The following SYNPR variants were observed in gnomAD, a reference collection of about 807,000 sequenced individuals.
The protein encoded by SYNPR is synaptoporin.
A neutral mutation model predicts 32.9 loss-of-function variants in SYNPR; 23 were observed. The observed-to-expected ratio is 0.70, with a 90% CI of 0.50 to 0.99. The LOEUF (loss-of-function observed/expected upper bound fraction) is 0.99. SYNPR is among the 50% of genes least tolerant of loss of function. SYNPR has a pLI of 0.00. For missense variants in SYNPR, 318 were observed against 349.3 expected (o/e 0.91, Z 0.71); for synonymous variants, 146 against 135.9 (o/e 1.07, Z -0.52).
At chr3:63,249,530 G>A (rs1208197100) in intron 1 of SYNPR, among the ~76,000 whole-genome samples, 2 of 152,066 alleles carry the variant, frequency 1.3e-5, no homozygotes, top group Admixed American at 6.6e-5. Context: ...ATAATACAAT[G>A]GACTTTGGGG....
At chr3:63,545,456 C>A (rs1435715800) in intron 3 of SYNPR, 1 of 152,058 alleles carries the variant, frequency 6.6e-6, no homozygotes, top group Admixed American at 6.6e-5. Context: ...AGCCATACCA[C>A]CCTGAACACG....
At chr3:63,362,425 A>G (rs1416378820) in intron 2 of SYNPR, among the ~76,000 whole-genome samples, 6 of 152,116 alleles carry the variant, frequency 3.9e-5, no homozygotes, top group African/African-American at 7.2e-5. Context: ...CCATGTTAGG[A>G]AACAGGTTTC....
In SYNPR at chr3:63,239,162, A is replaced by G. The variant is rs1204536566; in HGVS notation, n.66+10782A>G. ...CTCTCATTATAGATGTGGATTCAAC[A>G]TATGTCTTTGCTGACATTTTCATCT... On this transcript the variant is annotated intron_variant and non_coding_transcript_variant, in intron 1 of 4. Coordinates refer to the SYNPR transcript ENST00000478456. Among the ~76,000 whole-genome samples, 6 of 152,220 alleles carry G rather than the reference A, an allele frequency of 3.9e-5. No individual in the cohort carries two copies. The East Asian group carries it at 1.2e-3, about 30-fold the overall frequency.
chr3:63,325,420 C>T (rs530697211), intron 2 of SYNPR, among the ~76,000 whole-genome samples: 4 of 152,216 alleles, frequency 2.6e-5, no homozygotes, highest in South Asian at 2.1e-4. Flanking sequence ...AGGAAAGGTC[C>T]GATGCAGCAT....
rs77958636 is a variant in SYNPR, at chr3:63,552,568, G to T, written c.210-3975G>T. 3.7e-4 allele frequency among the ~76,000 whole-genome samples: 56 copies of T among 152,242 alleles called. No individual in the cohort carries two copies. The East Asian group carries it at 7.7e-3, about 21-fold the overall frequency. On this transcript the variant is annotated intron_variant, in intron 3 of 5. Transcript: ENST00000478300. ...AGAAATAAGGAACTTAAGGGGACTG[G>T]ATTTTCCTGCTTTAGCTGTGAGCTA... is the stretch of plus-strand genomic sequence containing the variant.
intron 2 of SYNPR, among the ~76,000 whole-genome samples, chr3:63,355,535 T>G (rs2087565729): frequency 1.3e-5 from 2 of 152,176 alleles, no homozygotes; most frequent in Admixed American, 1.3e-4. Flanking sequence ...GAAAATGCAA[T>G]TTTGAACATA....
At position 63,448,666 on chromosome 3, in the gene SYNPR, CT is replaced by C. The variant is rs199873557; in HGVS notation, c.85-32157del. On this transcript the variant is annotated intron_variant, in intron 2 of 5. Coordinates refer to ENST00000478300, the MANE Select transcript of SYNPR (RefSeq NM_001130003.2). ...GAAAAAGTCTGGAATGTGGATGTCA[CT>C]TTTTTTTTATTTAATAAATATTTAA... Among the ~76,000 whole-genome samples, 208 of 151,660 alleles carry C rather than the reference CT, an allele frequency of 1.4e-3. 3 individuals carry two copies. In the East Asian group the frequency reaches 0.033, roughly 24 times the overall value.
In SYNPR at chr3:63,331,062, A is replaced by T. The variant is rs111865053; in HGVS notation, c.84+52320A>T. ...CATTGTAAGGAAGGTATTGGCCTAG[A>T]TGAGGGTCAGAAAATACACAGCACA... On this transcript the variant is annotated intron_variant, in intron 2 of 5. Coordinates refer to ENST00000478300, the MANE Select transcript of SYNPR (RefSeq NM_001130003.2). Among the ~76,000 whole-genome samples, 889 of 152,302 alleles carry T rather than the reference A, an allele frequency of 5.8e-3. 8 individuals are homozygous for T. Among genetic ancestry groups the T allele is most frequent in the African/African-American group, 0.02 (841 of 41,572 alleles).
intron 2 of SYNPR, among the ~76,000 whole-genome samples, chr3:63,476,813 T>G (rs1559510926): frequency 1.3e-5 from 2 of 152,180 alleles, no homozygotes; most frequent in Non-Finnish European, 2.9e-5. Context: ...TGAGATTATT[T>G]TATTTGTATG....
chr3:63,413,082 TTA>T (rs1424205451), intron 2 of SYNPR, among the ~76,000 whole-genome samples: 1 of 152,212 alleles, frequency 6.6e-6, no homozygotes, highest in Non-Finnish European at 1.5e-5. Context: ...CAGTGTACTA[TTA>T]TACTTTATTC....
At chr3:63,576,704 T>C (rs1230907634) in intron 4 of SYNPR, among the ~76,000 whole-genome samples, 3 of 148,426 alleles carry the variant, frequency 2.0e-5, no homozygotes, top group African/African-American at 7.5e-5. Flanking sequence ...GGCAGGAGAA[T>C]CACTTGAACC....
intron 2 of SYNPR, among the ~76,000 whole-genome samples, chr3:63,318,658 T>G (rs1171665184): frequency 6.6e-6 from 1 of 152,068 alleles, no homozygotes; most frequent in East Asian, 1.9e-4. Context: ...CTCTGTTCAC[T>G]TCTTGTATCA....
chr3:63,595,985 A>G (rs1408689137), intron 4 of SYNPR, among the ~76,000 whole-genome samples: 1 of 136,900 alleles, frequency 7.3e-6, no homozygotes, highest in Non-Finnish European at 1.5e-5. Context: ...TTTTATATAT[A>G]TATAGTTTTA....
chr3:63,245,710 A>AGAGTGT, intron 1 of SYNPR, among the ~76,000 whole-genome samples: 1 of 44,254 alleles, frequency 2.3e-5, no homozygotes, highest in East Asian at 4.4e-4. Context: ...AGAGAGAGAG[A>AGAGTGT]GTGTGTGTGT....
intron 4 of SYNPR, among the ~76,000 whole-genome samples, chr3:63,586,634 C>T (rs1460825923): frequency 2.7e-5 from 4 of 148,464 alleles, no homozygotes; most frequent in Non-Finnish European, 4.4e-5. Flanking sequence ...AAATGTCTTC[C>T]CTTTCTTCTT....
chr3:63,406,084 G>C (rs2088355846), intron 2 of SYNPR, among the ~76,000 whole-genome samples: 1 of 152,012 alleles, frequency 6.6e-6, no homozygotes, highest in Non-Finnish European at 1.5e-5. Context: ...TGGCAGAGCT[G>C]GGATTTGGGC....
intron 2 of SYNPR, chr3:63,445,665 A>AC (rs1277867392): frequency 1.8e-6 from 1 of 567,796 alleles, no homozygotes; most frequent in Non-Finnish European, 3.2e-6. Context: ...TGAGGGCCAT[A>AC]ACATTACCTC....
intron 2 of SYNPR, among the ~76,000 whole-genome samples, chr3:63,376,190 T>A (rs540231951): frequency 1.3e-5 from 2 of 152,222 alleles, no homozygotes; most frequent in Non-Finnish European, 2.9e-5. Context: ...CCTGCTACAA[T>A]CTTCTAAGTC....
At chr3:63,462,869 C>T (rs1345196797) in intron 2 of SYNPR, among the ~76,000 whole-genome samples, 1 of 152,120 alleles carries the variant, frequency 6.6e-6, no homozygotes, top group East Asian at 1.9e-4. Context: ...GCCTGTTGAG[C>T]ATTGTTTTCA....
Sources: gnomAD v4.1 joint callset for allele counts (sites outside exome capture counted in the v4.1 genomes callset) on GRCh38, gnomAD v4.1.1 for gene constraint, MANE v1.5 for transcripts, NCBI Gene and HGNC (gene_info 2026-07-23, HGNC 2026-07-21) for gene names.